GTF2A1: variants seen among roughly 807,000 people sequenced by gnomAD.
GTF2A1 encodes transcription initiation factor IIA subunit 1.
GTF2A1 carries 12 observed loss-of-function variants against 54.1 expected under a neutral mutation model. The ratio of observed to expected loss-of-function variants is 0.22; its 90% confidence interval spans 0.14 to 0.36. GTF2A1 has a LOEUF of 0.36. GTF2A1 is among the 10% of genes least tolerant of loss of function. The pLI, the probability that GTF2A1 is intolerant of heterozygous loss-of-function variation, is 1.00. For synonymous variants in GTF2A1, 145 were observed against 152.0 expected, an observed-to-expected ratio of 0.95 and a Z score of 0.34; for missense variants, 335 against 442.2, an observed-to-expected ratio of 0.76 and a Z score of 2.17.
At chr14:81,211,389 C>G (rs1893360485) in intron 2 of GTF2A1, among the ~76,000 whole-genome samples, 1 of 152,176 alleles carries the variant, frequency 6.6e-6, no homozygotes, top group Admixed American at 6.5e-5. Context: ...ACTCTGTTAC[C>G]TTCCTGCTTA....
chr14:81,184,192 G>A (rs1446171558), intron 8 of GTF2A1, among the ~76,000 whole-genome samples: 1 of 152,100 alleles, frequency 6.6e-6, no homozygotes, highest in East Asian at 1.9e-4. Flanking sequence ...CTTAAAGTAG[G>A]AAGACACTTA....
At chr14:81,208,069 G>A (rs757143240) in intron 2 of GTF2A1, among the ~76,000 whole-genome samples, 2 of 152,212 alleles carry the variant, frequency 1.3e-5, no homozygotes, top group Non-Finnish European at 2.9e-5. Context: ...GTAGCAAGAA[G>A]CCTAATGTTA....
intron 2 of GTF2A1, chr14:81,209,893 CA>C (rs768562939): frequency 4.7e-6 from 6 of 1,276,570 alleles, no homozygotes; most frequent in Admixed American, 4.6e-5. Context: ...CCATTTCTAC[CA>C]AAGTATGAAC....
rs1892601901 is a variant in GTF2A1, at chr14:81,179,797, C to G, written c.*426G>C. ...TACCCTTTTGTAAAAAGCTCACACGCAACTTTTACCAAATATAACCACATA... is the reference window on the plus strand; with the variant it reads ...TACCCTTTTGTAAAAAGCTCACACGGAACTTTTACCAAATATAACCACATA... On this transcript the variant is annotated 3_prime_UTR_variant, in exon 9 of 9. Coordinates refer to ENST00000553612, the MANE Select transcript of GTF2A1 (RefSeq NM_015859.4). 2 of 152,608 alleles carry G rather than the reference C, an allele frequency of 1.3e-5. No individual in the cohort carries two copies. The highest frequency in any genetic ancestry group is 6.5e-5 in the Admixed American group (1 of 15,302). 9.5% of individuals were successfully genotyped at this position (152,608 alleles called of 1,614,324 possible). A position where few individuals can be genotyped will look rare whatever the true frequency, so the allele number is the denominator to read the frequency against.
At chr14:81,221,269 T>C (rs1893643943), upstream of GTF2A1, 1 of 152,230 alleles carries the variant, frequency 6.6e-6, no homozygotes, top group African/African-American at 2.4e-5. Flanking sequence ...GACACTCCAG[T>C]CCAAAGCTAG....
chr14:81,214,792 A>G (rs1893451467), intron 2 of GTF2A1, among the ~76,000 whole-genome samples: 1 of 152,226 alleles, frequency 6.6e-6, no homozygotes, highest in Non-Finnish European at 1.5e-5. Flanking sequence ...ATGTTAACAT[A>G]AATAACATTT....
chr14:81,211,021 C>T (rs1893352925), intron 2 of GTF2A1, among the ~76,000 whole-genome samples: 1 of 152,136 alleles, frequency 6.6e-6, no homozygotes, highest in South Asian at 2.1e-4. Flanking sequence ...ATTCTGTGTA[C>T]TTTATAAATA....
At chr14:81,212,630 C>T (rs1566861295) in intron 2 of GTF2A1, among the ~76,000 whole-genome samples, 1 of 152,046 alleles carries the variant, frequency 6.6e-6, no homozygotes, top group Non-Finnish European at 1.5e-5. Context: ...TAAAATGGCC[C>T]CAGAAAGTAG....
At chr14:81,218,644 G>C (rs1893539179) in intron 1 of GTF2A1, among the ~76,000 whole-genome samples, 1 of 151,974 alleles carries the variant, frequency 6.6e-6, no homozygotes, top group Non-Finnish European at 1.5e-5. Flanking sequence ...TTAAGAACTG[G>C]TAAATCAGAG....
chr14:81,200,210 A>C (rs1893073211), intron 4 of GTF2A1, among the ~76,000 whole-genome samples: 3 of 152,170 alleles, frequency 2.0e-5, no homozygotes, highest in Non-Finnish European at 4.4e-5. Context: ...GTGTAGGAGG[A>C]AGTCATCTGT....
chr14:81,210,496 T>C (rs1893339708), intron 2 of GTF2A1, among the ~76,000 whole-genome samples: 1 of 152,064 alleles, frequency 6.6e-6, no homozygotes, highest in Admixed American at 6.6e-5. Context: ...GAAAATAAAA[T>C]AAATAAAATA....
Position 81,220,499 on chromosome 14 carries a change from G to T in GTF2A1, c.20C>A (p.Thr7Lys). 6.3e-7 allele frequency: 1 copy of T among 1,580,180 alleles called. No homozygotes were observed. The highest frequency in any genetic ancestry group is 1.1e-5 in the South Asian group (1 of 87,116). MANSAN[T>K]NTVPKLYRSV... ...GAACCACGTCCTTACCACGGTGTTTGTATTTGCCGAGTTCGCCATTTCCAC... is the reference window on the plus strand; with the variant it reads ...GAACCACGTCCTTACCACGGTGTTTTTATTTGCCGAGTTCGCCATTTCCAC... Residue 7 changes from threonine (T) to lysine (K), a missense_variant, in exon 1 of 9, where the codon ACA becomes AAA. Physicochemically the swap from Thr to Lys is moderately conservative, Grantham distance 78. Coordinates refer to ENST00000553612, the MANE Select transcript of GTF2A1 (RefSeq NM_015859.4).
intron 1 of GTF2A1, among the ~76,000 whole-genome samples, 156 bp downstream of exon 1, chr14:81,220,333 G>C (rs1885282740): frequency 6.9e-6 from 1 of 145,582 alleles, no homozygotes; most frequent in Admixed American, 6.8e-5. Flanking sequence ...CGGCGCTCCG[G>C]CCCGATCCGC....
At chr14:81,193,394 C>A (rs370948773) in intron 6 of GTF2A1, among the ~76,000 whole-genome samples, 1 of 152,050 alleles carries the variant, frequency 6.6e-6, no homozygotes, top group Non-Finnish European at 1.5e-5. Flanking sequence ...CTCGAACTCA[C>A]GACCTCATGA....
intron 1 of GTF2A1, among the ~76,000 whole-genome samples, chr14:81,219,662 G>A (rs1259601894): frequency 6.6e-6 from 1 of 152,194 alleles, no homozygotes; most frequent in Non-Finnish European, 1.5e-5. Context: ...AGAGTTGGGT[G>A]GACTAGTGAT....
chr14:81,211,873 C>CCATATATATATATATATATATATA (rs1893371542), intron 2 of GTF2A1, among the ~76,000 whole-genome samples: 1 of 99,288 alleles, frequency 1.0e-5, no homozygotes, highest in Non-Finnish European at 1.9e-5. Flanking sequence ...GTATCAAGTA[C>CCATATATATATATATATATATATA]TTTATATATA....
rs1476486180 is a variant in GTF2A1 at position 81,216,597 on chromosome 14, AAT to A, written c.31-85_31-84del. ...AACAGGTTTTCACAAATTCAAAACG[AAT>A]AGTCATTTTGCCAACTATCTATATA... On this transcript the variant is annotated intron_variant, in intron 1 of 8. Transcript: ENST00000553612. 2.5e-5 allele frequency: 16 copies of A among 649,766 alleles called. No homozygotes were observed. In the Admixed American group the frequency reaches 3.3e-4, roughly 13 times the overall value. 40.3% of individuals were successfully genotyped at this position (649,766 alleles called of 1,614,324 possible).
chr14:81,187,350 G>A (rs1331341299), intron 7 of GTF2A1, among the ~76,000 whole-genome samples: 42 of 138,014 alleles, frequency 3.0e-4, no homozygotes, highest in Admixed American at 4.9e-4. Flanking sequence ...GTGAAACTCC[G>A]TCTCAAAAAA....
intron 4 of GTF2A1, among the ~76,000 whole-genome samples, chr14:81,200,032 A>G (rs1397618594): frequency 6.6e-6 from 1 of 152,154 alleles, no homozygotes; most frequent in Non-Finnish European, 1.5e-5. Flanking sequence ...CTTGTGAGAA[A>G]TAACAGGCAT....
Sources: allele counts gnomAD v4.1 joint callset (sites outside exome capture counted in the v4.1 genomes callset), GRCh38; gene constraint gnomAD v4.1.1; transcripts MANE v1.5; gene names NCBI Gene and HGNC (gene_info 2026-07-23, HGNC 2026-07-21).